Variants in POLE observed in about 807,000 individuals in gnomAD.
POLE encodes the protein DNA polymerase epsilon catalytic subunit A.
Under a neutral mutation model 279.2 loss-of-function variants are expected in POLE, and 188 were observed. The observed-to-expected ratio is 0.67, with a 90% CI of 0.60 to 0.76. The LOEUF is 0.76. POLE is among the 30% of genes least tolerant of loss of function. The pLI is 0.00. For missense variants in POLE, 2,703 were observed against 3,016.7 expected (o/e 0.90, Z 2.44); for synonymous variants, 1,214 against 1,172.5 (o/e 1.04, Z -0.72).
At chr12:132,686,669 AG>A (rs2043276284) in intron 1 of POLE, among the ~76,000 whole-genome samples, 1 of 151,822 alleles carries the variant, frequency 6.6e-6, no homozygotes, top group African/African-American at 2.4e-5. Context: ...CGGGAAGCAG[AG>A]GTTGCAGTGA....
intron 5 of POLE, 61 bp from the exon 6 acceptor site, chr12:132,679,712 G>A (rs1365913669): frequency 3.9e-6 from 6 of 1,547,426 alleles, no homozygotes; most frequent in African/African-American, 1.4e-5. Flanking sequence ...TGGGTGAGAG[G>A]GTAAACACTC....
At chr12:132,666,403 C>T (rs892607119) in intron 20 of POLE, among the ~76,000 whole-genome samples, 2 of 152,230 alleles carry the variant, frequency 1.3e-5, no homozygotes, top group African/African-American at 4.8e-5. Context: ...GCCTGGGCAA[C>T]ATGGTGAAAC....
At chr12:132,659,200 AT>A in intron 26 of POLE, 94 bp downstream of exon 26, 1 of 1,284,898 alleles carries the variant, frequency 7.8e-7, no homozygotes, top group Non-Finnish European at 1.1e-6. Flanking sequence ...CCTCTCTGTG[AT>A]GAGGGGAGCC....
rs764044031 is a variant in POLE at position 132,668,491 on chromosome 12, G to A, written c.2038C>T (p.Arg680Cys). Residue 680 changes from arginine (R) to cysteine (C), a missense_variant, in exon 19 of 49, where the codon CGC becomes TGC. This residue lies in a region of POLE where 1,011 missense variants were observed against 1,111.7 expected (regional missense o/e 0.91). Coordinates refer to ENST00000320574, the MANE Select transcript of POLE (RefSeq NM_006231.4). This position sits in a 1 kb window ranked among gnomAD's most constrained non-coding sequence, Gnocchi z 4.0. The part of the protein sequence containing the change: ...QWRGEFMPAS[R>C]SEYHRIQHQL... ...TGCTGGATCCGATGGTATTCGCTGC[G>A]ACTGGCTGGCACTGGGAAGGAGGCA... 3.3e-5 allele frequency: 53 copies of A among 1,598,284 alleles called. No individual in the cohort carries two copies. Among genetic ancestry groups the A allele is most frequent in the Non-Finnish European group, 4.4e-5 (51 of 1,171,332 alleles).
In POLE at chr12:132,643,508, T is replaced by C. The variant is rs150545516; in HGVS notation, c.4343A>G (p.Asn1448Ser). The change falls in exon 34 of 49, where the codon AAT becomes AGT. Residue 1448 changes from asparagine (N) to serine (S), a missense_variant. Coordinates refer to ENST00000320574, the MANE Select transcript of POLE (RefSeq NM_006231.4). ...LVHLGCVCVV[N>S]KQLVRHLSGW... is the part of the protein sequence containing the mutation. ...TGAAAGGTGCCTCACCAGCTGTTTA[T>C]TGACCACACACACACAGCCCAGGTG... 1.1e-4 allele frequency: 176 copies of C among 1,614,176 alleles called. No individual in the cohort carries two copies. The highest frequency in any genetic ancestry group is 1.4e-4 in the Non-Finnish European group (168 of 1,180,032).
At chr12:132,678,207 C>T (rs1453397102) in intron 6 of POLE, among the ~76,000 whole-genome samples, 1 of 148,598 alleles carries the variant, frequency 6.7e-6, no homozygotes, top group African/African-American at 2.5e-5. Flanking sequence ...TGGATGATAA[C>T]TCTACAGACA....
At chr12:132,647,140 A>G (rs2042303683) in intron 32 of POLE, among the ~76,000 whole-genome samples, 1 of 152,088 alleles carries the variant, frequency 6.6e-6, no homozygotes, top group African/African-American at 2.4e-5. Flanking sequence ...ACCTTAACAT[A>G]CCTAACGTGT....
At chr12:132,682,291 C>CAAAA (rs759276322) in intron 1 of POLE, among the ~76,000 whole-genome samples, 50 of 120,454 alleles carry the variant, frequency 4.2e-4, no homozygotes, top group African/African-American at 1.2e-3. Context: ...GAGACTCCGG[C>CAAAA]AAAAAAAAAA....
At position 132,672,797 on chromosome 12, in the gene POLE, T is replaced by A. The variant is rs773634913; in HGVS notation, c.1516A>T (p.Met506Leu). The change falls in exon 15 of 49, where the codon ATG becomes TTG. Residue 506 changes from methionine (M) to leucine (L), a missense_variant. By Grantham distance (15) the Met-to-Leu change is conservative. Around this residue, in one of 5 missense-constraint regions of POLE, gnomAD observed 1,011 missense variants for 1,111.7 expected, o/e 0.91. Transcript: ENST00000320574. ...GSGTLCEALL[M>L]VQAFHANIIF... ...ATGTTGGCGTGGAAGGCCTGCACCATCAGCAAGGCCTCACACAGAGTGCCA... is the reference window on the plus strand; with the variant it reads ...ATGTTGGCGTGGAAGGCCTGCACCAACAGCAAGGCCTCACACAGAGTGCCA... The A allele has an allele frequency of 6.2e-7, 1 of 1,614,102 alleles. No individual in the cohort carries two copies. Among genetic ancestry groups the A allele is most frequent in the Non-Finnish European group, 8.5e-7 (1 of 1,180,006 alleles).
chr12:132,639,080 C>T lies in POLE; in HGVS notation c.5552+45G>A, dbSNP rs1434080143. On this transcript the variant is annotated intron_variant, in intron 40 of 48. Transcript: ENST00000320574. The surrounding 1 kb of genome is among the most constrained non-coding windows in gnomAD (Gnocchi z 4.7). ...TGGTTCTGGGGAGTAAGGGACCAGC[C>T]CAGCTGAGGACGCGGTGGACAGCCC... is the stretch of plus-strand genomic sequence containing the variant. 1.9e-6 allele frequency: 3 copies of T among 1,576,474 alleles called. No homozygotes were observed. The highest frequency in any genetic ancestry group is 1.7e-5 in the Admixed American group (1 of 59,806).
chr12:132,659,619 G>A, intron 25 of POLE, 110 bp from the exon 26 acceptor site: 1 of 831,214 alleles, frequency 1.2e-6, no homozygotes. Context: ...AGACGCAGAA[G>A]GCTGCAATTT....
Position 132,661,616 on chromosome 12 carries a change from T to G in POLE, c.2775A>C (p.Ser925=). 1 of 1,614,228 alleles carries G rather than the reference T, an allele frequency of 6.2e-7. No homozygotes were observed. The highest frequency in any genetic ancestry group is 8.5e-7 in the Non-Finnish European group (1 of 1,180,042). Residue 925 remains serine (S), a synonymous_variant, in exon 24 of 49, where the codon TCA becomes TCC. Transcript: ENST00000320574. The surrounding 1 kb of genome is among the most constrained non-coding windows in gnomAD (Gnocchi z 4.1). ...CAACCTCAAAAAAGATGCTGTTCTC[T>G]GAGCGGGTGACGTAGGTGAGTGAGG... The part of the protein sequence containing the change: ...EPSSLTYVTR[S]ENSIFFEVDG...
At chr12:132,669,216 G>A (rs1565967121) in intron 16 of POLE, among the ~76,000 whole-genome samples, 1 of 152,126 alleles carries the variant, frequency 6.6e-6, no homozygotes, top group Non-Finnish European at 1.5e-5. Context: ...TGTAATCCTA[G>A]CACTTTCGGA....
At position 132,643,299 on chromosome 12, in the gene POLE, G is replaced by C. The variant is rs5744943; in HGVS notation, c.4476C>G (p.His1492Gln). 2 of 1,613,992 alleles carry C rather than the reference G, an allele frequency of 1.2e-6. No homozygotes were observed. Among genetic ancestry groups the C allele is most frequent in the Non-Finnish European group, 1.7e-6 (2 of 1,180,018 alleles). The change falls in exon 35 of 49, where the codon CAC becomes CAG. Residue 1492 changes from histidine to glutamine, a missense_variant. Around this residue, in one of 5 missense-constraint regions of POLE, gnomAD observed 1,551 missense variants for 1,686.1 expected, o/e 0.92. Coordinates refer to ENST00000320574, the MANE Select transcript of POLE (RefSeq NM_006231.4). ...GSIRHIYLYH[H>Q]AQAHKALFGI... ...CGAAGAGCGCTTTGTGGGCCTGTGC[G>C]TGGTGGTACAGGTAGATATGGCGGA... is the stretch of plus-strand genomic sequence containing the variant.
intron 38 of POLE, 108 bp downstream of exon 38, chr12:132,642,069 C>T (rs990451286): frequency 1.9e-5 from 21 of 1,084,398 alleles, no homozygotes; most frequent in Admixed American, 1.8e-4. Context: ...CTCTGACCTG[C>T]GCGGTCGAAC....
Position 132,659,480 on chromosome 12 carries a change from G to T in POLE, c.3090C>A (p.Phe1030Leu), listed in dbSNP as rs766306895. ...TGGAACGGTTCTCAGAGATGAGCTCGAATAGCTCAGAGTCAGGCATGTTGG... is the reference window on the plus strand; with the variant it reads ...TGGAACGGTTCTCAGAGATGAGCTCTAATAGCTCAGAGTCAGGCATGTTGG... ...KAANMPDSEL[F>L]ELISENRSMS... The change falls in exon 26 of 49, where the codon TTC becomes TTA. Residue 1030 changes from phenylalanine (F) to leucine (L), a missense_variant. Phe to Leu is a conservative substitution (Grantham distance 22). Coordinates refer to ENST00000320574, the MANE Select transcript of POLE (RefSeq NM_006231.4). 9.9e-6 allele frequency: 16 copies of T among 1,614,044 alleles called. No individual in the cohort carries two copies. The highest frequency in any genetic ancestry group is 1.3e-5 in the Non-Finnish European group (15 of 1,179,966).
chr12:132,672,094 CTG>C (rs1484110381), intron 16 of POLE, 119 bp downstream of exon 16: 1 of 708,484 alleles, frequency 1.4e-6, no homozygotes, highest in Non-Finnish European at 2.5e-6. Context: ...ACCAGAGACC[CTG>C]TGTCATCCGT....
rs1593791513 is a variant in POLE at position 132,668,315 on chromosome 12, G to C, written c.2173+41C>G. ...CAGTAAGAACAGAAAGTGGGAGCAG[G>C]AGCCACATCTTTACAGCCGTGACCA... On this transcript the variant is annotated intron_variant, in intron 19 of 48. Coordinates refer to ENST00000320574, the MANE Select transcript of POLE (RefSeq NM_006231.4). The surrounding 1 kb of genome is among the most constrained non-coding windows in gnomAD (Gnocchi z 4.0). 6.6e-7 allele frequency: 1 copy of C among 1,512,250 alleles called. No homozygotes were observed. Among genetic ancestry groups the C allele is most frequent in the South Asian group, 1.3e-5 (1 of 74,958 alleles). The allele number at this position is 1,512,250 out of a possible 1,614,324, so 93.7% of individuals were successfully genotyped here.
rs2138558693 is a variant in POLE at position 132,643,856 on chromosome 12, T to C, written c.4271A>G (p.Glu1424Gly). 1 of 1,614,118 alleles carries C rather than the reference T, an allele frequency of 6.2e-7. No individual in the cohort carries two copies. The highest frequency in any genetic ancestry group is 8.5e-7 in the Non-Finnish European group (1 of 1,179,966). The change falls in exon 33 of 49, where the codon GAG (glutamate) becomes GGG (glycine). Residue 1424 changes from glutamate (E) to glycine (G), a missense_variant. Physicochemically the swap from Glu to Gly is moderately conservative, Grantham distance 98 (BLOSUM62 -2). This residue lies in a region of POLE where 1,551 missense variants were observed against 1,686.1 expected (regional missense o/e 0.92). Coordinates refer to ENST00000320574, the MANE Select transcript of POLE (RefSeq NM_006231.4). ...INAELSAPDI[E>G]GVYETQVPLL... is the part of the protein sequence containing the mutation. ...AGTCACCTGAGTCTCATATACGCCC[T>C]CGATGTCTGGCGCTGACAGCTCAGC...
Sources: allele counts gnomAD v4.1 joint callset (sites outside exome capture counted in the v4.1 genomes callset), GRCh38; gene constraint gnomAD v4.1.1; regional missense constraint gnomAD v4.1.1; non-coding constraint Gnocchi (gnomAD v3.1); transcripts MANE v1.5; gene names NCBI Gene and HGNC (gene_info 2026-07-23, HGNC 2026-07-21).